The following GRM4 variants were observed in gnomAD, a reference collection of about 807,000 sequenced individuals.
The protein encoded by GRM4 is glutamate metabotropic receptor 4.
GRM4 carries 28 observed loss-of-function variants against 81.7 expected under a neutral mutation model. That is an observed-to-expected ratio of 0.34 (90% CI 0.25 to 0.47). The LOEUF is 0.47. GRM4 is among the 20% of genes least tolerant of loss of function. The probability of loss-of-function intolerance (pLI) is 1.00; values close to 1 mark genes in which losing one functional copy is unlikely to be tolerated. For synonymous variants in GRM4, 488 were observed against 528.8 expected (o/e 0.92, Z 1.06); for missense variants, 948 against 1,290.0 (o/e 0.73, Z 4.06).
In GRM4 at chr6:34,022,718, C is replaced by G; in HGVS notation, c.*103G>C. The G allele has an allele frequency of 9.5e-7, 1 of 1,056,788 alleles. No homozygotes were observed. The highest frequency in any genetic ancestry group is 1.5e-6 in the Non-Finnish European group (1 of 682,108). 65.5% of individuals were successfully genotyped at this position (1,056,788 alleles called of 1,614,324 possible). A position where few individuals can be genotyped will look rare whatever the true frequency, so the allele number is the denominator to read the frequency against. On this transcript the variant is annotated 3_prime_UTR_variant, in exon 11 of 11. Coordinates refer to ENST00000538487, the MANE Select transcript of GRM4 (RefSeq NM_000841.4). The surrounding 1 kb of genome is among the most constrained non-coding windows in gnomAD (Gnocchi z 5.6). ...AGCACCAAGCCACGTCCGTGGGTGC[C>G]CACGGGCAGGCAAGACAGCTGGGCC...
chr6:34,095,369 G>A (rs1768464724), intron 2 of GRM4, among the ~76,000 whole-genome samples: 1 of 152,152 alleles, frequency 6.6e-6, no homozygotes, highest in South Asian at 2.1e-4. Flanking sequence ...TTCCTAGGGA[G>A]ACAGTTTCAA....
At chr6:34,149,234 C>T (rs112770796), upstream of GRM4, among the ~76,000 whole-genome samples, 4,602 of 152,296 alleles carry the variant, frequency 0.03, 139 homozygotes, top group Middle Eastern at 0.085. Flanking sequence ...CCTGGAGGTG[C>T]AGATTCCCTG....
rs1389994895 is a variant in GRM4, at chr6:34,021,006, C to G, written c.*1815G>C. 6.6e-6 allele frequency: 1 copy of G among 151,748 alleles called. No homozygotes were observed. Among genetic ancestry groups the G allele is most frequent in the African/African-American group, 2.4e-5 (1 of 41,246 alleles). The allele number at this position is 151,748 out of a possible 1,614,324, so 9.4% of individuals were successfully genotyped here. ...GCAGGGCAGGAGGGGACGGCACAGG[C>G]AGCCCAGGCTCCAGCTGCTGCCTAT... On this transcript the variant is annotated 3_prime_UTR_variant, in exon 11 of 11. Transcript: ENST00000538487. The surrounding 1 kb of genome is among the most constrained non-coding windows in gnomAD (Gnocchi z 5.3).
intron 3 of GRM4, among the ~76,000 whole-genome samples, chr6:34,086,980 C>G (rs1767922301): frequency 6.6e-6 from 1 of 152,100 alleles, no homozygotes; most frequent in Non-Finnish European, 1.5e-5. Flanking sequence ...ACAAAATTAG[C>G]CGAGCATGGT....
At chr6:34,037,647 G>A (rs1449147697) in intron 8 of GRM4, among the ~76,000 whole-genome samples, 1 of 152,118 alleles carries the variant, frequency 6.6e-6, no homozygotes, top group Admixed American at 6.5e-5. Flanking sequence ...GGAGGATCAT[G>A]AGGTCAAGAG....
chr6:34,133,088 C>T lies in GRM4; in HGVS notation c.409G>A (p.Gly137Ser), dbSNP rs943020473. The change falls in exon 2 of 11, where the codon GGC (glycine) becomes AGC (serine). Residue 137 changes from glycine to serine, a missense_variant. Coordinates refer to ENST00000538487, the MANE Select transcript of GRM4 (RefSeq NM_000841.4). This position sits in a 1 kb window ranked among gnomAD's most constrained non-coding sequence, Gnocchi z 6.5. The stretch of plus-strand genomic sequence containing the variant: ...GTGATGATGGGTGGGCCGCCACTGC[C>T]ACAGCGGACCTCTGTGCCATCCTTC... ...IEKDGTEVRC[G>S]SGGPPIITKP... 21 of 1,614,008 alleles carry T rather than the reference C, an allele frequency of 1.3e-5. No individual in the cohort carries two copies. The African/African-American group carries it at 2.7e-4, about 21-fold the overall frequency.
intron 10 of GRM4, among the ~76,000 whole-genome samples, chr6:34,023,505 G>A (rs539950459): frequency 2.0e-4 from 31 of 152,150 alleles, no homozygotes; most frequent in South Asian, 2.1e-4. Context: ...TCAGCCCTCC[G>A]CCCTACACCC....
intron 6 of GRM4, among the ~76,000 whole-genome samples, chr6:34,043,034 G>T (rs545695111): frequency 5.9e-5 from 9 of 152,282 alleles, no homozygotes; most frequent in Admixed American, 5.2e-4. Flanking sequence ...AGGGACACCA[G>T]GACCACGGGG....
chr6:34,125,127 C>T (rs766922014), intron 2 of GRM4, among the ~76,000 whole-genome samples: 9 of 152,226 alleles, frequency 5.9e-5, no homozygotes, highest in Non-Finnish European at 1.0e-4. Context: ...GTGCCCGCCA[C>T]CACACCCAGC....
At chr6:34,028,458 C>A in intron 9 of GRM4, 92 bp from the exon 10 acceptor site, 1 of 1,386,204 alleles carries the variant, frequency 7.2e-7, no homozygotes, top group Non-Finnish European at 9.8e-7. Context: ...CACCCGGCAT[C>A]CCGCTGCCTT....
rs1322212276 is a variant in GRM4 at position 34,064,632 on chromosome 6, C to T, written c.737-2604G>A. Among the ~76,000 whole-genome samples the T allele has an allele frequency of 6.6e-6, 1 of 152,184 alleles. No individual in the cohort carries two copies. Among genetic ancestry groups the T allele is most frequent in the African/African-American group, 2.4e-5 (1 of 41,428 alleles). On this transcript the variant is annotated intron_variant, in intron 3 of 10. Transcript: ENST00000538487. The surrounding 1 kb of genome is among the most constrained non-coding windows in gnomAD (Gnocchi z 4.4). ...TTCACAGCCCTATTGTCAGCATGTCCGCTCAGGGGAGTGGGTAAAGGAACT... is the reference window on the plus strand; with the variant it reads ...TTCACAGCCCTATTGTCAGCATGTCTGCTCAGGGGAGTGGGTAAAGGAACT...
chr6:34,135,663 C>G (rs989956776), intron 1 of GRM4, among the ~76,000 whole-genome samples: 1 of 152,252 alleles, frequency 6.6e-6, no homozygotes, highest in African/African-American at 2.4e-5. Flanking sequence ...CTGTATGGAG[C>G]TGTCATCATC....
chr6:34,133,406 G>C lies in GRM4; in HGVS notation c.91C>G (p.Leu31Val), dbSNP rs772516095. The change falls in exon 2 of 11, where the codon CTG becomes GTG. Residue 31 changes from leucine to valine, a missense_variant. Leu to Val is a conservative substitution (Grantham distance 32). Coordinates refer to ENST00000538487, the MANE Select transcript of GRM4 (RefSeq NM_000841.4). This position sits in a 1 kb window ranked among gnomAD's most constrained non-coding sequence, Gnocchi z 6.5. ...SLYGPWMPSS[L>V]GKPKGHPHMN... ...TGAGGGTGGCCTTTGGGCTTTCCCA[G>C]GGAGGAAGGCATCCAGGGGCCGTAA... 2 of 1,613,324 alleles carry C rather than the reference G, an allele frequency of 1.2e-6. No individual in the cohort carries two copies. Among genetic ancestry groups the C allele is most frequent in the Admixed American group, 1.7e-5 (1 of 59,980 alleles).
At chr6:34,144,045 G>A (rs762056946) in intron 1 of GRM4, among the ~76,000 whole-genome samples, 4 of 152,260 alleles carry the variant, frequency 2.6e-5, no homozygotes, top group Non-Finnish European at 5.9e-5. Flanking sequence ...TCCCGCGCCA[G>A]GGGCCGGCAA....
intron 10 of GRM4, among the ~76,000 whole-genome samples, chr6:34,027,840 T>TG (rs1403657290): frequency 2.6e-5 from 4 of 152,118 alleles, no homozygotes; most frequent in African/African-American, 9.7e-5. Context: ...CACAGATCCC[T>TG]GGAAGGGCGC....
chr6:34,027,020 G>A (rs1764165324), intron 10 of GRM4, among the ~76,000 whole-genome samples: 1 of 152,098 alleles, frequency 6.6e-6, no homozygotes, highest in Non-Finnish European at 1.5e-5. Flanking sequence ...GAACATCCAG[G>A]TAGACATGAA....
In GRM4 at chr6:34,092,088, G is replaced by C; in HGVS notation, c.531C>G (p.Ile177Met). The C allele has an allele frequency of 6.2e-7, 1 of 1,601,338 alleles. No individual in the cohort carries two copies. The highest frequency in any genetic ancestry group is 8.5e-7 in the Non-Finnish European group (1 of 1,169,696). The stretch of plus-strand genomic sequence containing the variant: ...GGTCTGGCGCTGTGGAGGCGTAGCT[G>C]ATCTGGGGTATCTGAGGGGCGAGAG... ...NILRLFKIPQ[I>M]SYASTAPDLS... The change falls in exon 3 of 11, where the codon ATC (isoleucine) becomes ATG (methionine). Residue 177 changes from isoleucine to methionine, a missense_variant. Physicochemically the swap from Ile to Met is conservative, Grantham distance 10. Coordinates refer to ENST00000538487, the MANE Select transcript of GRM4 (RefSeq NM_000841.4). This position sits in a 1 kb window ranked among gnomAD's most constrained non-coding sequence, Gnocchi z 6.8.
At chr6:34,038,930 G>A (rs1019677329) in intron 8 of GRM4, among the ~76,000 whole-genome samples, 1 of 152,250 alleles carries the variant, frequency 6.6e-6, no homozygotes, top group African/African-American at 2.4e-5. Flanking sequence ...TTCACAGCAA[G>A]GGGACGTGCT....
At chr6:34,098,105 C>T (rs1427098354) in intron 2 of GRM4, among the ~76,000 whole-genome samples, 1 of 152,166 alleles carries the variant, frequency 6.6e-6, no homozygotes, top group East Asian at 1.9e-4. Context: ...GTTTCTTCCC[C>T]GTAAAGTCGT....
Sources: gnomAD v4.1 joint callset for allele counts (sites outside exome capture counted in the v4.1 genomes callset) on GRCh38, gnomAD v4.1.1 for gene constraint, Gnocchi (gnomAD v3.1) non-coding constraint, MANE v1.5 for transcripts, NCBI Gene and HGNC (gene_info 2026-07-23, HGNC 2026-07-21) for gene names.